Variants in SIDT1 observed in about 807,000 individuals in gnomAD.
SIDT1 encodes SID1 transmembrane family member 1.
SIDT1 carries 101 observed loss-of-function variants against 107.5 expected under a neutral mutation model. The ratio of observed to expected loss-of-function variants is 0.94; its 90% CI spans 0.80 to 1.11. SIDT1 has a LOEUF of 1.11. Among genes scored for constraint, SIDT1 ranks in the 50% least tolerant of loss-of-function variants. SIDT1 has a pLI of 0.00. For synonymous variants in SIDT1, 395 were observed against 398.2 expected (o/e 0.99, Z 0.10); for missense variants, 1,076 against 1,058.2 (o/e 1.02, Z -0.23).
intron 20 of SIDT1, 51 bp downstream of exon 20, chr3:113,616,227 T>C (rs1232101050): frequency 7.2e-7 from 1 of 1,397,978 alleles, no homozygotes; most frequent in African/African-American, 1.4e-5. Context: ...AGCAGGGGAA[T>C]AGTAGGAGGA....
At chr3:113,613,161 C>T (rs1050325990) in intron 19 of SIDT1, among the ~76,000 whole-genome samples, 1 of 152,260 alleles carries the variant, frequency 6.6e-6, no homozygotes, top group African/African-American at 2.4e-5. Context: ...CTTTGCCCTA[C>T]ATCCAATGTT....
At chr3:113,583,547 G>C (rs1183290878) in intron 7 of SIDT1, 51 bp downstream of exon 7, 1 of 1,377,996 alleles carries the variant, frequency 7.3e-7, no homozygotes, top group Non-Finnish European at 1.0e-6. Flanking sequence ...TGAAGGAAGG[G>C]AGTGAAAGGG....
chr3:113,555,428 A>C (rs1940738970), intron 1 of SIDT1, among the ~76,000 whole-genome samples: 1 of 152,208 alleles, frequency 6.6e-6, no homozygotes. Flanking sequence ...CAGGATAGGG[A>C]GTCAAACATT....
chr3:113,609,813 T>G (rs997753895), intron 17 of SIDT1, among the ~76,000 whole-genome samples: 4 of 152,194 alleles, frequency 2.6e-5, no homozygotes, highest in Non-Finnish European at 5.9e-5. Flanking sequence ...ATGTCAACAT[T>G]TTTAAATATT....
intron 1 of SIDT1, among the ~76,000 whole-genome samples, chr3:113,547,326 A>G (rs1479670891): frequency 6.6e-6 from 1 of 152,164 alleles, no homozygotes; most frequent in Non-Finnish European, 1.5e-5. Flanking sequence ...GTTCTTATTC[A>G]TATGTGGAGG....
chr3:113,584,514 C>T (rs1239937886), intron 7 of SIDT1, among the ~76,000 whole-genome samples, 184 bp from the exon 8 acceptor site: 1 of 152,206 alleles, frequency 6.6e-6, no homozygotes, highest in African/African-American at 2.4e-5. Context: ...TCTCCTTAAC[C>T]AAAAGGGATT....
intron 1 of SIDT1, among the ~76,000 whole-genome samples, chr3:113,545,328 A>G (rs1939470186): frequency 6.6e-6 from 1 of 152,088 alleles, no homozygotes; most frequent in African/African-American, 2.4e-5. Context: ...CTACTGTAAG[A>G]AAGAGATTTT....
At chr3:113,607,485 G>A (rs1345162493) in intron 15 of SIDT1, among the ~76,000 whole-genome samples, 2 of 152,234 alleles carry the variant, frequency 1.3e-5, no homozygotes, top group Non-Finnish European at 2.9e-5. Context: ...AGGCAGGTGA[G>A]GATTTGCTGA....
intron 13 of SIDT1, among the ~76,000 whole-genome samples, chr3:113,604,431 C>G (rs947027012): frequency 6.6e-6 from 1 of 152,178 alleles, no homozygotes. Flanking sequence ...TCACGTGATC[C>G]GTCACTCATT....
chr3:113,566,436 T>G lies in SIDT1; in HGVS notation c.239T>G (p.Val80Gly). 6.2e-7 allele frequency: 1 copy of G among 1,613,998 alleles called. No individual in the cohort carries two copies. The highest frequency in any genetic ancestry group is 1.3e-5 in the African/African-American group (1 of 75,004). Residue 80 changes from valine to glycine, a missense_variant, in exon 2 of 25, where the codon GTG becomes GGG. Coordinates refer to ENST00000264852, the MANE Select transcript of SIDT1 (RefSeq NM_017699.3). Reference sequence around the variant, plus strand: ...GCCATGCAGGTGACAGCCGTGAGGGTGTATGTGAACAGTTCCTCTGAGAAT... The same window carrying G: ...GCCATGCAGGTGACAGCCGTGAGGGGGTATGTGAACAGTTCCTCTGAGAAT... ...SQPDQVTAVR[V>G]YVNSSSENLN...
intron 1 of SIDT1, 74 bp from the exon 2 acceptor site, chr3:113,566,346 G>A (rs1576786260): frequency 7.9e-6 from 11 of 1,389,846 alleles, no homozygotes; most frequent in Non-Finnish European, 1.1e-5. Context: ...GTTTGTGTGT[G>A]TGTGTGTGTG....
intron 13 of SIDT1, among the ~76,000 whole-genome samples, chr3:113,604,368 T>A (rs552855921): frequency 6.6e-6 from 1 of 152,264 alleles, no homozygotes; most frequent in South Asian, 2.1e-4. Flanking sequence ...TAAGGGACAA[T>A]GGGGCCACAT....
chr3:113,542,726 A>G (rs959449066), intron 1 of SIDT1, among the ~76,000 whole-genome samples: 11 of 152,156 alleles, frequency 7.2e-5, no homozygotes, highest in Non-Finnish European at 1.2e-4. Context: ...GAAGTGATCA[A>G]AACATGATTT....
Position 113,607,106 on chromosome 3 carries a change from C to T in SIDT1, c.1470C>T (p.Gly490=), listed in dbSNP as rs140942420. ...ACTTCCTCTGTGCTCACCCCTTGGG[C>T]GTCCTGAGGTAAACCCAGTCCTCTG... ...YYNFLCAHPL[G]VLSAFNNILS... Residue 490 remains glycine, a synonymous_variant, in exon 15 of 25, where the codon GGC becomes GGT. Coordinates refer to ENST00000264852, the MANE Select transcript of SIDT1 (RefSeq NM_017699.3). 6.3e-5 allele frequency: 101 copies of T among 1,608,868 alleles called. No individual in the cohort carries two copies. Among genetic ancestry groups the T allele is most frequent in the Middle Eastern group, 1.7e-4 (1 of 6,046 alleles).
At chr3:113,620,192 A>ATGTGTGTG (rs3085042) in intron 21 of SIDT1, among the ~76,000 whole-genome samples, 15,397 of 144,518 alleles carry the variant, frequency 0.11, 1,050 homozygotes, top group Non-Finnish European at 0.15. Flanking sequence ...CTTTTACTAA[A>ATGTGTGTG]TGTGTGTGTG....
chr3:113,622,342 T>C (rs1946514841), intron 21 of SIDT1, among the ~76,000 whole-genome samples: 1 of 151,506 alleles, frequency 6.6e-6, no homozygotes, highest in Non-Finnish European at 1.5e-5. Flanking sequence ...CATGCGTCTG[T>C]AATCCCAGCT....
chr3:113,550,948 TG>T (rs1940164972), intron 1 of SIDT1, among the ~76,000 whole-genome samples: 3 of 152,150 alleles, frequency 2.0e-5, no homozygotes, highest in African/African-American at 7.2e-5. Context: ...CAATGTGTGT[TG>T]CTCCCCTCTA....
intron 1 of SIDT1, among the ~76,000 whole-genome samples, chr3:113,564,493 C>T (rs761483084): frequency 6.6e-6 from 1 of 152,124 alleles, no homozygotes; most frequent in African/African-American, 2.4e-5. Flanking sequence ...GAAGACTAGA[C>T]AGCGGGCTGC....
chr3:113,604,444 T>C (rs1945180198), intron 13 of SIDT1, among the ~76,000 whole-genome samples: 1 of 152,222 alleles, frequency 6.6e-6, no homozygotes, highest in Non-Finnish European at 1.5e-5. Flanking sequence ...CACTCATTAC[T>C]TACACTCTGA....
Sources: allele counts gnomAD v4.1 joint callset (sites outside exome capture counted in the v4.1 genomes callset), GRCh38; gene constraint gnomAD v4.1.1; transcripts MANE v1.5; gene names NCBI Gene and HGNC (gene_info 2026-07-23, HGNC 2026-07-21).